The following S100A8 variants were observed in gnomAD, a reference collection of about 807,000 sequenced individuals.
S100A8 encodes the protein protein S100-A8.
Under a neutral mutation model 4.2 loss-of-function variants are expected in S100A8, and 1 was observed. That is an observed-to-expected ratio of 0.24 (90% confidence interval 0.08 to 1.12). The LOEUF (loss-of-function observed/expected upper bound fraction) is 1.12. S100A8 is among the 50% of genes most tolerant of loss of function. The probability of loss-of-function intolerance (pLI) is 0.53; values close to 1 mark genes in which losing one functional copy is unlikely to be tolerated. For missense variants in S100A8, 96 were observed against 111.8 expected, an observed-to-expected ratio of 0.86 and a Z score of 0.64; for synonymous variants, 41 against 44.7, an observed-to-expected ratio of 0.92 and a Z score of 0.33.
the S100A8 span, among the ~76,000 whole-genome samples, chr1:153,397,837 C>T: frequency 2.0e-5 from 3 of 152,164 alleles, no homozygotes; most frequent in Admixed American, 6.5e-5. Flanking sequence ...TCCCTCACCT[C>T]GGCCCACCTT....
chr1:153,413,474 T>C, the S100A8 span, among the ~76,000 whole-genome samples: 1 of 152,242 alleles, frequency 6.6e-6, no homozygotes, highest in African/African-American at 2.4e-5. Context: ...TGGTGTTTTG[T>C]TATCTGACGA....
the S100A8 span, among the ~76,000 whole-genome samples, chr1:153,399,589 C>T: frequency 1.3e-5 from 2 of 152,138 alleles, no homozygotes; most frequent in Admixed American, 1.3e-4. Flanking sequence ...CTACAGTGTG[C>T]CAGGCCTTCT....
At chr1:153,401,857 T>C in the S100A8 span, among the ~76,000 whole-genome samples, 1 of 152,232 alleles carries the variant, frequency 6.6e-6, no homozygotes, top group African/African-American at 2.4e-5. Context: ...CGGGTTATAC[T>C]GATGGAATAT....
the S100A8 span, among the ~76,000 whole-genome samples, chr1:153,415,527 C>T: frequency 6.6e-6 from 1 of 152,214 alleles, no homozygotes; most frequent in Non-Finnish European, 1.5e-5. Flanking sequence ...AACCCTCTTG[C>T]CCCTACCTGG....
chr1:153,408,591 G>A, the S100A8 span, among the ~76,000 whole-genome samples: 1 of 152,118 alleles, frequency 6.6e-6, no homozygotes. Flanking sequence ...AATCTAGCAA[G>A]GCAGGCTAAC....
At chr1:153,415,718 GGGGC>G in the S100A8 span, among the ~76,000 whole-genome samples, 18,054 of 149,826 alleles carry the variant, frequency 0.12, 1,135 homozygotes, top group African/African-American at 0.15. Context: ...TGGGGCGGGG[GGGGC>G]GGGGGTCACT....
chr1:153,406,222 C>T, the S100A8 span, among the ~76,000 whole-genome samples: 92 of 152,240 alleles, frequency 6.0e-4, no homozygotes, highest in African/African-American at 2.2e-3. Context: ...CTAGTTTGGC[C>T]AATGTTTATG....
At chr1:153,408,716 G>A in the S100A8 span, among the ~76,000 whole-genome samples, 1 of 152,178 alleles carries the variant, frequency 6.6e-6, no homozygotes, top group Non-Finnish European at 1.5e-5. Context: ...AATCTTAAGG[G>A]CAGCCAGAGA....
the S100A8 span, among the ~76,000 whole-genome samples, chr1:153,417,708 G>A: frequency 1.3e-5 from 2 of 152,210 alleles, no homozygotes; most frequent in African/African-American, 4.8e-5. Context: ...ATTTGGTGCT[G>A]TTTCAAGAGT....
chr1:153,411,639 T>G, the S100A8 span, among the ~76,000 whole-genome samples: 1 of 152,266 alleles, frequency 6.6e-6, no homozygotes, highest in East Asian at 1.9e-4. Context: ...TACTTTAAAA[T>G]TCATATGGAA....
chr1:153,403,760 C>G, the S100A8 span, among the ~76,000 whole-genome samples: 1 of 152,184 alleles, frequency 6.6e-6, no homozygotes, highest in Admixed American at 6.5e-5. Flanking sequence ...ACACTTTTGA[C>G]GCCAAATGTG....
upstream of S100A8, among the ~76,000 whole-genome samples, chr1:153,394,222 G>A (rs1662166058): frequency 6.6e-6 from 1 of 152,216 alleles, no homozygotes; most frequent in Non-Finnish European, 1.5e-5. Flanking sequence ...AGGAAATGAG[G>A]ACAGAGCAGG....
chr1:153,397,223 C>T, the S100A8 span, among the ~76,000 whole-genome samples: 1 of 152,372 alleles, frequency 6.6e-6, no homozygotes, highest in Admixed American at 6.5e-5. Context: ...AGAGCAGAGT[C>T]GACCTGGCCC....
the S100A8 span, among the ~76,000 whole-genome samples, chr1:153,403,315 G>A: frequency 3.3e-5 from 5 of 152,196 alleles, no homozygotes; most frequent in East Asian, 7.7e-4. Flanking sequence ...CTGTCCACTT[G>A]TCCCAGCATC....
chr1:153,402,714 T>G, the S100A8 span, among the ~76,000 whole-genome samples: 3 of 152,276 alleles, frequency 2.0e-5, no homozygotes, highest in African/African-American at 7.2e-5. Flanking sequence ...ACCTATAGAT[T>G]CAGTGCAATC....
At chr1:153,416,245 C>T in the S100A8 span, among the ~76,000 whole-genome samples, 1 of 152,180 alleles carries the variant, frequency 6.6e-6, no homozygotes, top group Non-Finnish European at 1.5e-5. Context: ...GCTCTTTTCT[C>T]CCATTTCCTG....
At chr1:153,396,977 C>T in the S100A8 span, among the ~76,000 whole-genome samples, 9 of 152,342 alleles carry the variant, frequency 5.9e-5, no homozygotes, top group African/African-American at 1.4e-4. Flanking sequence ...CCCCCATAAC[C>T]GAGCCTGGAG....
the S100A8 span, among the ~76,000 whole-genome samples, chr1:153,403,427 CT>C: frequency 6.6e-6 from 1 of 152,200 alleles, no homozygotes; most frequent in African/African-American, 2.4e-5. Flanking sequence ...TTATCATGAA[CT>C]GTTAGCTTCA....
At chr1:153,415,716 G>T in the S100A8 span, among the ~76,000 whole-genome samples, 4 of 150,134 alleles carry the variant, frequency 2.7e-5, 1 homozygote, top group African/African-American at 1.0e-4. Context: ...CATGGGGCGG[G>T]GGGGGCGGGG....
Sources: gnomAD v4.1 joint callset for allele counts (sites outside exome capture counted in the v4.1 genomes callset) on GRCh38, gnomAD v4.1.1 for gene constraint, MANE v1.5 for transcripts, NCBI Gene and HGNC (gene_info 2026-07-23, HGNC 2026-07-21) for gene names.